C1QB: variants seen among roughly 807,000 people sequenced by gnomAD.
The protein encoded by C1QB is complement C1q B chain.
In C1QB, 2 loss-of-function variants were observed where a neutral mutation model predicts 4.6. The ratio of observed to expected loss-of-function variants is 0.43; its 90% CI spans 0.18 to 1.36. The LOEUF (loss-of-function observed/expected upper bound fraction) is 1.36, where lower values mean the gene tolerates loss of function less well. Ranked by LOEUF, C1QB falls within the 40% of genes most tolerant of loss-of-function variation. The probability of loss-of-function intolerance (pLI) is 0.28; values close to 1 mark genes in which losing one functional copy is unlikely to be tolerated. For missense variants in C1QB, 292 were observed against 338.0 expected, an observed-to-expected ratio of 0.86 and a Z score of 1.07; for synonymous variants, 132 against 137.1, an observed-to-expected ratio of 0.96 and a Z score of 0.26.
intron 1 of C1QB, 29 bp from the exon 2 acceptor site, chr1:22,659,411 G>T (rs1249021311): frequency 6.2e-7 from 1 of 1,601,682 alleles, no homozygotes; most frequent in Admixed American, 1.7e-5. Context: ...TCACCACGGT[G>T]GTAACCTCTC....
Position 22,661,240 on chromosome 1 carries a change from C to T in C1QB, c.610C>T (p.Gln204Ter). ...CTGTGACTATGCCTACAACACCTTC[C>T]AGGTCACCACCGGTGGCATGGTCCT... is the stretch of plus-strand genomic sequence containing the variant. ...TFCDYAYNTF[Q>*]VTTGGMVLKL... The change falls in exon 3 of 3, where the codon CAG (glutamine) becomes TAG (stop). Residue 204 changes from glutamine to a stop codon, truncating the protein, a stop_gained. Coordinates refer to ENST00000509305, the MANE Select transcript of C1QB (RefSeq NM_001378156.1). LOFTEE classifies it high-confidence loss of function. 6.2e-7 allele frequency: 1 copy of T among 1,613,280 alleles called. No homozygotes were observed. The highest frequency in any genetic ancestry group is 8.5e-7 in the Non-Finnish European group (1 of 1,179,314).
In C1QB at chr1:22,659,453, C is replaced by G. The variant is rs753914766; in HGVS notation, c.-10C>G. ...TCTTCTCCACAGGAGGCGTCTGACACAGTATGATGATGAAGATCCCATGGG... is the reference window on the plus strand; with the variant it reads ...TCTTCTCCACAGGAGGCGTCTGACAGAGTATGATGATGAAGATCCCATGGG... On this transcript the variant is annotated 5_prime_UTR_variant, in exon 2 of 3. Transcript: ENST00000509305. 1.2e-5 allele frequency: 20 copies of G among 1,613,816 alleles called. No individual in the cohort carries two copies. Among genetic ancestry groups the G allele is most frequent in the Non-Finnish European group, 1.6e-5 (19 of 1,179,976 alleles).
In C1QB at chr1:22,661,561, C is replaced by T; in HGVS notation, c.*175C>T. On this transcript the variant is annotated 3_prime_UTR_variant, in exon 3 of 3. Transcript: ENST00000509305. ...ACAGTGGTCTAATTCAACTCTGTGT[C>T]CCAGCACCTGGCACACCAGAAGTGC... 1.4e-6 allele frequency: 1 copy of T among 708,830 alleles called. No individual in the cohort carries two copies. Among genetic ancestry groups the T allele is most frequent in the Non-Finnish European group, 2.4e-6 (1 of 417,410 alleles). The allele number at this position is 708,830 out of a possible 1,614,324, so 43.9% of individuals were successfully genotyped here.
At chr1:22,655,129 G>A (rs774433687) in intron 1 of C1QB, among the ~76,000 whole-genome samples, 3 of 152,200 alleles carry the variant, frequency 2.0e-5, no homozygotes, top group Non-Finnish European at 4.4e-5. Context: ...ATAATGGCAT[G>A]CAAGCCATCT....
At chr1:22,659,176 A>T (rs1642578047) in intron 1 of C1QB, among the ~76,000 whole-genome samples, 1 of 148,922 alleles carries the variant, frequency 6.7e-6, no homozygotes, top group Non-Finnish European at 1.5e-5. Flanking sequence ...AGAGAGATGG[A>T]TGGATGGATG....
chr1:22,655,899 G>A (rs1642522745), intron 1 of C1QB, among the ~76,000 whole-genome samples: 8 of 152,102 alleles, frequency 5.3e-5, no homozygotes, highest in Admixed American at 4.6e-4. Flanking sequence ...CCCAAGCTTC[G>A]AATGAAGAAA....
In C1QB at chr1:22,661,144, G is replaced by A. The variant is rs748553280; in HGVS notation, c.514G>A (p.Ala172Thr). 9.9e-6 allele frequency: 16 copies of A among 1,613,954 alleles called. No individual in the cohort carries two copies. In the Admixed American group the frequency reaches 1.2e-4, roughly 12 times the overall value. Residue 172 changes from alanine (A) to threonine (T), a missense_variant, in exon 3 of 3, where the codon GCC becomes ACC. By Grantham distance (58) the Ala-to-Thr change is moderately conservative. Transcript: ENST00000509305. Reference protein sequence around the residue: ...VPGLYYFTYHASSRGNLCVNL... With the variant: ...VPGLYYFTYHTSSRGNLCVNL... ...CGGTCTCTACTACTTCACCTACCACGCCAGCTCTCGAGGGAACCTGTGCGT... is the reference window on the plus strand; with the variant it reads ...CGGTCTCTACTACTTCACCTACCACACCAGCTCTCGAGGGAACCTGTGCGT...
rs1642567111 is a variant in C1QB, at chr1:22,658,889, G to A, written c.-23-551G>A. ...GGGATGGATGGATGGACAGCAGGAT[G>A]GAGGGATGGATGGATGGATGGATGC... is the stretch of plus-strand genomic sequence containing the variant. On this transcript the variant is annotated intron_variant, in intron 1 of 2. Coordinates refer to ENST00000509305, the MANE Select transcript of C1QB (RefSeq NM_001378156.1). 2.0e-5 allele frequency among the ~76,000 whole-genome samples: 3 copies of A among 150,372 alleles called. No individual in the cohort carries two copies. The South Asian group carries it at 6.4e-4, about 32-fold the overall frequency.
Position 22,661,521 on chromosome 1 carries a change from C to A in C1QB, c.*135C>A. The A allele has an allele frequency of 2.0e-6, 2 of 1,021,136 alleles. No individual in the cohort carries two copies. Among genetic ancestry groups the A allele is most frequent in the Non-Finnish European group, 1.5e-6 (1 of 674,026 alleles). The allele number at this position is 1,021,136 out of a possible 1,614,324, so 63.3% of individuals were successfully genotyped here. ...TGCTGAGTGAATGAGTAAATAAACT[C>A]TTCAAGGCCAAGGGACAGTGGTCTA... On this transcript the variant is annotated 3_prime_UTR_variant, in exon 3 of 3. Transcript: ENST00000509305.
rs770317321 is a variant in C1QB at position 22,659,604 on chromosome 1, G to A, written c.142G>A (p.Asp48Asn). ...GGGTATCCCTGGGACACCTGGCCCC[G>A]ATGGCCAACCTGGGACCCCAGGGAT... is the stretch of plus-strand genomic sequence containing the variant. ...IPGIPGTPGP[D>N]GQPGTPGIKG... The change falls in exon 2 of 3, where the codon GAT becomes AAT. Residue 48 changes from aspartate to asparagine, a missense_variant. By Grantham distance (23) the Asp-to-Asn change is conservative (BLOSUM62 1). Coordinates refer to ENST00000509305, the MANE Select transcript of C1QB (RefSeq NM_001378156.1). The A allele has an allele frequency of 1.4e-5, 23 of 1,613,698 alleles. No individual in the cohort carries two copies. Among genetic ancestry groups the A allele is most frequent in the Admixed American group, 3.3e-5 (2 of 59,964 alleles).
At chr1:22,660,761 C>T in intron 2 of C1QB, 51 bp from the exon 3 acceptor site, 1 of 1,588,926 alleles carries the variant, frequency 6.3e-7, no homozygotes, top group Non-Finnish European at 8.6e-7. Flanking sequence ...CAGCGCAGGC[C>T]TCCTTCTTTT....
Position 22,660,831 on chromosome 1 carries a change from A to G in C1QB, c.201A>G (p.Gly67=), listed in dbSNP as rs1490323518. Residue 67 remains glycine, a synonymous_variant, in exon 3 of 3, where the codon GGA becomes GGG. Coordinates refer to ENST00000509305, the MANE Select transcript of C1QB (RefSeq NM_001378156.1). ...KGEKGLPGLA[G]DHGEFGEKGD... is the part of the protein sequence containing the mutation. Reference sequence around the variant, plus strand: ...TTCCAGGGCTTCCAGGGCTGGCTGGAGACCATGGTGAGTTCGGAGAGAAGG... The same window carrying G: ...TTCCAGGGCTTCCAGGGCTGGCTGGGGACCATGGTGAGTTCGGAGAGAAGG... 6.2e-7 allele frequency: 1 copy of G among 1,613,914 alleles called. No individual in the cohort carries two copies.
In C1QB at chr1:22,661,028, G is replaced by A. The variant is rs753074108; in HGVS notation, c.398G>A (p.Arg133His). ...ACAAGAACCATCAACGTCCCCCTGC[G>A]CCGGGACCAGACCATCCGCTTCGAC... ...SATRTINVPL[R>H]RDQTIRFDHV... The change falls in exon 3 of 3, where the codon CGC becomes CAC. Residue 133 changes from arginine (R) to histidine (H), a missense_variant. Physicochemically the swap from Arg to His is conservative, Grantham distance 29 (BLOSUM62 0). Coordinates refer to ENST00000509305, the MANE Select transcript of C1QB (RefSeq NM_001378156.1). 1.9e-5 allele frequency: 30 copies of A among 1,613,684 alleles called. No individual in the cohort carries two copies. Among genetic ancestry groups the A allele is most frequent in the East Asian group, 8.9e-5 (4 of 44,808 alleles).
In C1QB at chr1:22,660,903, CCCCATGGGCCCTAAAGGTGG is replaced by C. The variant is rs1642609587; in HGVS notation, c.278_297del (p.Met93ArgfsTer11). On this transcript the variant is annotated frameshift_variant, in exon 3 of 3. Coordinates refer to ENST00000509305, the MANE Select transcript of C1QB (RefSeq NM_001378156.1). LOFTEE classifies it low-confidence loss of function (END_TRUNC). ...ATCCAGGAAAAGTCGGCCCCAAGGG[CCCCATGGGCCCTAAAGGTGG>C]CCCAGGGGCCCCTGGAGCCCCAGGC... 1.9e-6 allele frequency: 3 copies of C among 1,612,806 alleles called. No homozygotes were observed. Among genetic ancestry groups the C allele is most frequent in the Admixed American group, 1.7e-5 (1 of 59,672 alleles).
intron 1 of C1QB, among the ~76,000 whole-genome samples, 176 bp downstream of exon 1, chr1:22,653,479 G>A (rs538127797): frequency 6.6e-6 from 1 of 152,342 alleles, no homozygotes; most frequent in South Asian, 2.1e-4. Flanking sequence ...GGGTGAGTTG[G>A]GGAGTCTGCT....
intron 1 of C1QB, among the ~76,000 whole-genome samples, chr1:22,657,856 A>T (rs1642550393): frequency 6.6e-6 from 1 of 152,216 alleles, no homozygotes; most frequent in South Asian, 2.1e-4. Context: ...GACCAGTTTG[A>T]GACAGCCCAC....
chr1:22,661,202 A>C lies in C1QB; in HGVS notation c.572A>C (p.Lys191Thr). The C allele has an allele frequency of 6.2e-7, 1 of 1,613,958 alleles. No homozygotes were observed. The highest frequency in any genetic ancestry group is 8.5e-7 in the Non-Finnish European group (1 of 1,179,910). Residue 191 changes from lysine to threonine, a missense_variant, in exon 3 of 3, where the codon AAG (lysine) becomes ACG (threonine). Coordinates refer to ENST00000509305, the MANE Select transcript of C1QB (RefSeq NM_001378156.1). The stretch of plus-strand genomic sequence containing the variant: ...ATGCGTGGCCGGGAGCGTGCACAGA[A>C]GGTGGTCACCTTCTGTGACTATGCC... Reference protein sequence around the residue: ...NLMRGRERAQKVVTFCDYAYN... With the variant: ...NLMRGRERAQTVVTFCDYAYN...
chr1:22,657,395 G>A (rs1217273471), intron 1 of C1QB, among the ~76,000 whole-genome samples: 1 of 152,198 alleles, frequency 6.6e-6, no homozygotes, highest in Non-Finnish European at 1.5e-5. Flanking sequence ...GTATTATTCA[G>A]TTATAAAAAG....
chr1:22,654,944 G>A (rs745780645), intron 1 of C1QB, among the ~76,000 whole-genome samples: 8 of 152,144 alleles, frequency 5.3e-5, no homozygotes, highest in Non-Finnish European at 8.8e-5. Context: ...CAGGTACAGT[G>A]GCCTCTTAAC....
Sources: gnomAD v4.1 joint callset for allele counts (sites outside exome capture counted in the v4.1 genomes callset) on GRCh38, gnomAD v4.1.1 for gene constraint, MANE v1.5 for transcripts, NCBI Gene and HGNC (gene_info 2026-07-23, HGNC 2026-07-21) for gene names.